Variants in FAF2 observed in about 807,000 individuals in gnomAD.
FAF2 encodes the protein FAS-associated factor 2.
FAF2 carries 9 observed loss-of-function variants against 62.3 expected under a neutral mutation model. The ratio of observed to expected loss-of-function variants is 0.14; its 90% CI spans 0.09 to 0.25. The LOEUF is 0.25. Among genes scored for constraint, FAF2 ranks in the 10% least tolerant of loss-of-function variants. FAF2 has a pLI of 1.00. For synonymous variants in FAF2, 202 were observed against 198.0 expected (o/e 1.02, Z -0.17); for missense variants, 368 against 556.2 (o/e 0.66, Z 3.40).
chr5:176,463,828 T>G (rs1161204258), intron 1 of FAF2, among the ~76,000 whole-genome samples: 1 of 151,314 alleles, frequency 6.6e-6, no homozygotes, highest in Non-Finnish European at 1.5e-5. Context: ...CTCCCGGGTT[T>G]GAGTGATTCT....
In FAF2 at chr5:176,496,600, T is replaced by C; in HGVS notation, c.776T>C (p.Ile259Thr). Residue 259 changes from isoleucine (I) to threonine (T), a missense_variant, in exon 8 of 11, where the codon ATT becomes ACT. Transcript: ENST00000261942. The part of the protein sequence containing the change: ...LEGLIQPDDL[I>T]NQLTFIMDAN... The stretch of plus-strand genomic sequence containing the variant: ...GGCCTCATTCAACCTGATGACCTCA[T>C]TAACCAACTGACATTTATCATGGAT... 6.2e-7 allele frequency: 1 copy of C among 1,612,180 alleles called. No individual in the cohort carries two copies. Among genetic ancestry groups the C allele is most frequent in the African/African-American group, 1.3e-5 (1 of 74,856 alleles).
chr5:176,486,320 C>T (rs773128624), intron 2 of FAF2, 35 bp from the exon 3 acceptor site: 66 of 1,608,052 alleles, frequency 4.1e-5, no homozygotes, highest in Middle Eastern at 1.7e-4. Context: ...ATTTGAGCAT[C>T]GCTGAAACTC....
intron 3 of FAF2, 25 bp downstream of exon 3, chr5:176,486,514 TC>T: frequency 6.2e-7 from 1 of 1,612,638 alleles, no homozygotes; most frequent in Non-Finnish European, 8.5e-7. Flanking sequence ...AGCTGGGATT[TC>T]CCCCTTTTTT....
intron 2 of FAF2, among the ~76,000 whole-genome samples, chr5:176,480,360 G>A (rs1365103398): frequency 1.3e-5 from 2 of 150,958 alleles, no homozygotes; most frequent in Non-Finnish European, 2.9e-5. Context: ...ACATTTTTGA[G>A]CAATTAAACT....
chr5:176,504,201 C>T (rs1479446005), intron 10 of FAF2, among the ~76,000 whole-genome samples: 2 of 151,748 alleles, frequency 1.3e-5, no homozygotes, highest in Non-Finnish European at 2.9e-5. Flanking sequence ...TTTGGCCAGG[C>T]ATGGTGGTTC....
chr5:176,468,530 G>C (rs1758510151), intron 1 of FAF2, among the ~76,000 whole-genome samples: 1 of 152,156 alleles, frequency 6.6e-6, no homozygotes, highest in Non-Finnish European at 1.5e-5. Context: ...CTTGCAGTGA[G>C]CCGAGATCAC....
At chr5:176,467,433 C>G (rs758774526) in intron 1 of FAF2, among the ~76,000 whole-genome samples, 4 of 151,968 alleles carry the variant, frequency 2.6e-5, no homozygotes, top group Non-Finnish European at 5.9e-5. Context: ...CAAGTTTAAG[C>G]GATTCTTGTG....
chr5:176,469,170 A>G (rs768829943), intron 1 of FAF2, among the ~76,000 whole-genome samples: 33 of 151,320 alleles, frequency 2.2e-4, no homozygotes, highest in Admixed American at 7.9e-4. Context: ...ACTTGAACCC[A>G]GGAGGCAGAG....
At chr5:176,463,737 T>C (rs1041921895) in intron 1 of FAF2, among the ~76,000 whole-genome samples, 1 of 151,372 alleles carries the variant, frequency 6.6e-6, no homozygotes, top group African/African-American at 2.4e-5. Context: ...TTTTTTTTTT[T>C]TTTTTTCCTT....
chr5:176,496,309 G>A (rs1755482235), intron 7 of FAF2, among the ~76,000 whole-genome samples, 177 bp from the exon 8 acceptor site: 1 of 152,088 alleles, frequency 6.6e-6, no homozygotes, highest in South Asian at 2.1e-4. Flanking sequence ...TGAGACCCTG[G>A]CTCAAAAAAA....
chr5:176,500,309 G>A (rs1357928710), intron 10 of FAF2, among the ~76,000 whole-genome samples, 163 bp downstream of exon 10: 1 of 152,222 alleles, frequency 6.6e-6, no homozygotes, highest in African/African-American at 2.4e-5. Context: ...ACACCAGGAA[G>A]AGTACCGAGG....
At chr5:176,469,360 T>A (rs370741535) in intron 1 of FAF2, among the ~76,000 whole-genome samples, 12 of 152,340 alleles carry the variant, frequency 7.9e-5, no homozygotes, top group African/African-American at 2.9e-4. Context: ...GCTTCTCTGT[T>A]TTACCTCTCT....
At chr5:176,459,603 A>T (rs556136679) in intron 1 of FAF2, among the ~76,000 whole-genome samples, 60 of 152,200 alleles carry the variant, frequency 3.9e-4, no homozygotes, top group African/African-American at 1.3e-3. Context: ...GGAGGTCTGT[A>T]TTAGGAACTT....
intron 2 of FAF2, among the ~76,000 whole-genome samples, chr5:176,485,147 G>A (rs566127704): frequency 5.9e-5 from 9 of 152,158 alleles, no homozygotes; most frequent in African/African-American, 9.7e-5. Context: ...TTCAAGTTCG[G>A]TACTATACAT....
chr5:176,492,410 T>C (rs1271543839), intron 5 of FAF2, 78 bp downstream of exon 5: 21 of 1,435,510 alleles, frequency 1.5e-5, no homozygotes, highest in Non-Finnish European at 1.8e-5. Flanking sequence ...CCAGCACTGA[T>C]CATGTCCTTC....
chr5:176,499,534 A>G (rs576443263), intron 9 of FAF2, among the ~76,000 whole-genome samples: 1 of 151,304 alleles, frequency 6.6e-6, no homozygotes, highest in Non-Finnish European at 1.5e-5. Flanking sequence ...CCTAGCAATC[A>G]GACTGAGATA....
chr5:176,448,611 C>T (rs1758110275), intron 1 of FAF2, 141 bp downstream of exon 1: 1 of 806,298 alleles, frequency 1.2e-6, no homozygotes, highest in Non-Finnish European at 1.9e-6. Flanking sequence ...ACTCCAACTG[C>T]CCTGATTCCC....
rs182941801 is a variant in FAF2 at position 176,507,528 on chromosome 5, T to A, written c.*578T>A. On this transcript the variant is annotated 3_prime_UTR_variant, in exon 11 of 11. Coordinates refer to ENST00000261942, the MANE Select transcript of FAF2 (RefSeq NM_014613.3). ...GGCTGACATAGGTATATATATATAT[T>A]TTTTTCCTTTATTTGATAAAGAGCC... is the stretch of plus-strand genomic sequence containing the variant. 1,876 of 165,502 alleles carry A rather than the reference T, an allele frequency of 0.011. 19 individuals are homozygous for A. The highest frequency in any genetic ancestry group is 0.017 in the Non-Finnish European group (1,264 of 75,432). 10.3% of individuals were successfully genotyped at this position (165,502 alleles called of 1,614,324 possible).
intron 4 of FAF2, among the ~76,000 whole-genome samples, chr5:176,490,778 T>C (rs538961368): frequency 4.2e-4 from 64 of 152,306 alleles, no homozygotes; most frequent in African/African-American, 1.3e-3. Context: ...TCTGTTTTTT[T>C]CTAAAAAATC....
Sources: gnomAD v4.1 joint callset for allele counts (sites outside exome capture counted in the v4.1 genomes callset) on GRCh38, gnomAD v4.1.1 for gene constraint, MANE v1.5 for transcripts, NCBI Gene and HGNC (gene_info 2026-07-23, HGNC 2026-07-21) for gene names.